TRIP4: variants seen among roughly 807,000 people sequenced by gnomAD.
TRIP4 encodes the protein thyroid hormone receptor interactor 4.
Under a neutral mutation model 81.8 loss-of-function variants are expected in TRIP4, and 54 were observed. The ratio of observed to expected loss-of-function variants is 0.66; its 90% CI spans 0.53 to 0.83. The LOEUF is 0.83. Among genes scored for constraint, TRIP4 ranks in the 40% least tolerant of loss-of-function variants. The pLI is 0.00. For synonymous variants in TRIP4, 270 were observed against 242.8 expected, an observed-to-expected ratio of 1.11 and a Z score of -1.04; for missense variants, 662 against 683.6, an observed-to-expected ratio of 0.97 and a Z score of 0.35.
At chr15:64,451,120 C>CT (rs958806661) in intron 12 of TRIP4, 578 of 158,654 alleles carry the variant, frequency 3.6e-3, no homozygotes, top group South Asian at 0.014. Context: ...AAGCCCCCCA[C>CT]TTTTTTTTTT....
At chr15:64,450,912 A>C (rs1415360357) in intron 12 of TRIP4, 1 of 241,152 alleles carries the variant, frequency 4.1e-6, no homozygotes, top group Non-Finnish European at 8.8e-6. Flanking sequence ...TCATTCAGTA[A>C]AGCTTTAAGA....
Position 64,393,956 on chromosome 15 carries a change from T to G in TRIP4, c.112T>G (p.Ser38Ala), listed in dbSNP as rs1300320888. 1 of 1,586,262 alleles carries G rather than the reference T, an allele frequency of 6.3e-7. No individual in the cohort carries two copies. Among genetic ancestry groups the G allele is most frequent in the Admixed American group, 1.9e-5 (1 of 53,794 alleles). The change falls in exon 2 of 13, where the codon TCA (serine) becomes GCA (alanine). Residue 38 changes from serine (S) to alanine (A), a missense_variant. Coordinates refer to ENST00000261884, the MANE Select transcript of TRIP4 (RefSeq NM_016213.5). ...VSEEIIQYVLSIESAEEIREY... is the reference protein window; with the variant it reads ...VSEEIIQYVLAIESAEEIREY... Reference sequence around the variant, plus strand: ...TCTTTGCCTCCTGAGGTACGTTTTGTCAATTGAGAGTGCTGAAGAGATACG... The same window carrying G: ...TCTTTGCCTCCTGAGGTACGTTTTGGCAATTGAGAGTGCTGAAGAGATACG...
At chr15:64,429,321 AAAAAT>A (rs1186811036) in intron 11 of TRIP4, among the ~76,000 whole-genome samples, 10 of 152,198 alleles carry the variant, frequency 6.6e-5, no homozygotes, top group Admixed American at 6.5e-5. Context: ...CTGTCTCAAA[AAAAAT>A]AAAATAAAAA....
intron 12 of TRIP4, among the ~76,000 whole-genome samples, chr15:64,447,137 A>AC (rs1892652928): frequency 6.6e-6 from 1 of 151,960 alleles, no homozygotes; most frequent in African/African-American, 2.4e-5. Context: ...AAACAAACAA[A>AC]AAAAACACAC....
At chr15:64,445,536 T>G (rs1197289953) in intron 12 of TRIP4, among the ~76,000 whole-genome samples, 1 of 151,536 alleles carries the variant, frequency 6.6e-6, no homozygotes, top group Non-Finnish European at 1.5e-5. Flanking sequence ...CTGTAGTGCC[T>G]GTAGCGCCTG....
intron 1 of TRIP4, among the ~76,000 whole-genome samples, chr15:64,390,944 C>T (rs989574308): frequency 2.0e-5 from 3 of 151,914 alleles, no homozygotes; most frequent in East Asian, 1.9e-4. Flanking sequence ...CAGTGCCCGT[C>T]GGCATGTATT....
At chr15:64,394,258 CGGTTCTACTCAATCCGT>C in intron 2 of TRIP4, 143 bp downstream of exon 2, 2 of 675,854 alleles carry the variant, frequency 3.0e-6, no homozygotes, top group Non-Finnish European at 4.5e-6. Context: ...ATTTTTAGTT[CGGTTCTACTCAATCCGT>C]AATGAATATT....
At chr15:64,454,276 A>C (rs573212742) in intron 12 of TRIP4, among the ~76,000 whole-genome samples, 4 of 152,138 alleles carry the variant, frequency 2.6e-5, no homozygotes, top group Admixed American at 6.6e-5. Context: ...AATTCTCTTA[A>C]GATTCTCCTA....
intron 5 of TRIP4, among the ~76,000 whole-genome samples, chr15:64,403,891 T>A (rs1891566675): frequency 6.6e-6 from 1 of 152,156 alleles, no homozygotes; most frequent in African/African-American, 2.4e-5. Flanking sequence ...GCCAGATTAT[T>A]TTGTCAAAAT....
intron 9 of TRIP4, among the ~76,000 whole-genome samples, chr15:64,419,384 G>T (rs760160883): frequency 3.3e-5 from 5 of 151,314 alleles, no homozygotes; most frequent in Non-Finnish European, 7.4e-5. Flanking sequence ...TTTAAAGACC[G>T]AGTCTTGCTC....
At chr15:64,390,182 C>G (rs1900081685) in intron 1 of TRIP4, among the ~76,000 whole-genome samples, 1 of 148,864 alleles carries the variant, frequency 6.7e-6, no homozygotes. Flanking sequence ...ATTGAGGTGG[C>G]CAGGCGCAGT....
At chr15:64,440,106 G>A (rs1892484331) in intron 11 of TRIP4, among the ~76,000 whole-genome samples, 1 of 151,800 alleles carries the variant, frequency 6.6e-6, no homozygotes, top group Non-Finnish European at 1.5e-5. Context: ...AATTAGACAG[G>A]TCTGGTGGTG....
chr15:64,403,162 T>C (rs1260732295), intron 5 of TRIP4, among the ~76,000 whole-genome samples: 1 of 124,372 alleles, frequency 8.0e-6, no homozygotes, highest in Non-Finnish European at 1.7e-5. Context: ...GCACCCCTAT[T>C]TTTAATTTTT....
intron 12 of TRIP4, among the ~76,000 whole-genome samples, chr15:64,450,280 T>G (rs1892725648): frequency 6.6e-6 from 1 of 150,946 alleles, no homozygotes; most frequent in Non-Finnish European, 1.5e-5. Context: ...TCCCAGCTAC[T>G]CGGGAGGCTG....
At chr15:64,417,063 A>G (rs1423077444) in intron 8 of TRIP4, among the ~76,000 whole-genome samples, 1 of 152,140 alleles carries the variant, frequency 6.6e-6, no homozygotes, top group African/African-American at 2.4e-5. Flanking sequence ...GCTAGAGTGC[A>G]GTGGTATGAT....
intron 11 of TRIP4, among the ~76,000 whole-genome samples, chr15:64,435,078 T>C (rs1462653578): frequency 1.3e-5 from 2 of 151,542 alleles, no homozygotes. Context: ...TAGCTGGGCA[T>C]GGTGGCATGC....
chr15:64,454,843 C>T (rs1892849793), intron 12 of TRIP4, among the ~76,000 whole-genome samples, 154 bp from the exon 13 acceptor site: 1 of 152,132 alleles, frequency 6.6e-6, no homozygotes. Flanking sequence ...CTTATTCTTA[C>T]AGAATGAAAC....
intron 3 of TRIP4, among the ~76,000 whole-genome samples, chr15:64,396,266 CTTTTTTTTTTTTTTT>C (rs60341744): frequency 6.2e-5 from 4 of 64,720 alleles, no homozygotes; most frequent in Admixed American, 2.3e-4. Context: ...TATCTAGCTG[CTTTTTTTTTTTTTTT>C]TTTTTTTTTT....
At chr15:64,422,282 A>G (rs1892036402) in intron 9 of TRIP4, among the ~76,000 whole-genome samples, 1 of 152,168 alleles carries the variant, frequency 6.6e-6, no homozygotes, top group South Asian at 2.1e-4. Context: ...CAGAGATGGA[A>G]CTAGACTTCT....
Sources: allele counts gnomAD v4.1 joint callset (sites outside exome capture counted in the v4.1 genomes callset), GRCh38; gene constraint gnomAD v4.1.1; transcripts MANE v1.5; gene names NCBI Gene and HGNC (gene_info 2026-07-23, HGNC 2026-07-21).